LRBA: variants seen among roughly 807,000 people sequenced by gnomAD.
LRBA encodes the protein lipopolysaccharide-responsive and beige-like anchor protein.
In LRBA, 176 loss-of-function variants were observed where a neutral mutation model predicts 330.0. That is an observed-to-expected ratio of 0.53 (90% confidence interval 0.47 to 0.60). LRBA has a LOEUF of 0.60. LRBA is among the 20% of genes least tolerant of loss of function. LRBA has a pLI of 0.00. For missense variants in LRBA, 3,259 were observed against 3,444.8 expected (o/e 0.95, Z 1.35); for synonymous variants, 1,230 against 1,193.0 (o/e 1.03, Z -0.64).
chr4:150,968,769 CA>C (rs1739192794), intron 2 of LRBA, among the ~76,000 whole-genome samples: 2 of 152,170 alleles, frequency 1.3e-5, no homozygotes, highest in Admixed American at 6.5e-5. Context: ...TTAATGTAGA[CA>C]AAACAGCCTT....
intron 40 of LRBA, among the ~76,000 whole-genome samples, chr4:150,535,110 T>A (rs1764505224): frequency 6.6e-6 from 1 of 152,204 alleles, no homozygotes; most frequent in Admixed American, 6.5e-5. Context: ...AGCCTTCTCC[T>A]CTTACCTTTA....
intron 36 of LRBA, among the ~76,000 whole-genome samples, chr4:150,697,026 G>GAAAAAAA (rs1784681134): frequency 7.4e-6 from 1 of 135,716 alleles, no homozygotes; most frequent in Non-Finnish European, 1.6e-5. Flanking sequence ...AAAGTAAAAA[G>GAAAAAAA]AAAAAAGAAA....
At chr4:150,351,766 T>C (rs1180166311) in intron 47 of LRBA, among the ~76,000 whole-genome samples, 1 of 152,220 alleles carries the variant, frequency 6.6e-6, no homozygotes, top group Admixed American at 6.5e-5. Context: ...AGACCCCCAG[T>C]AGATGCCTGA....
In LRBA at chr4:150,625,202, A is replaced by T. The variant is rs186313967; in HGVS notation, c.5922-26071T>A. On this transcript the variant is annotated intron_variant, in intron 37 of 56. Coordinates refer to ENST00000651943, the MANE Select transcript of LRBA (RefSeq NM_001364905.1). The stretch of plus-strand genomic sequence containing the variant: ...TGGAATGTGTCGAAATCTCCAGAAG[A>T]GGTTTTCTAACTATAAAGGCCACTT... Among the ~76,000 whole-genome samples the T allele has an allele frequency of 5.3e-5, 8 of 152,288 alleles. No homozygotes were observed. In the East Asian group the frequency reaches 1.5e-3, roughly 29 times the overall value.
chr4:150,522,364 A>T (rs1253018636), intron 40 of LRBA, among the ~76,000 whole-genome samples: 1 of 152,220 alleles, frequency 6.6e-6, no homozygotes, highest in Admixed American at 6.5e-5. Flanking sequence ...GCTACAACAT[A>T]TATCTAAAAA....
At chr4:150,887,346 A>G (rs565537885) in intron 17 of LRBA, among the ~76,000 whole-genome samples, 171 of 152,336 alleles carry the variant, frequency 1.1e-3, no homozygotes, top group African/African-American at 4.0e-3. Context: ...ACAAGACTGA[A>G]ACAAACTAAA....
At chr4:150,517,748 A>G (rs1311666486) in intron 40 of LRBA, among the ~76,000 whole-genome samples, 1 of 152,160 alleles carries the variant, frequency 6.6e-6, no homozygotes, top group Non-Finnish European at 1.5e-5. Flanking sequence ...ATGTCATATT[A>G]ATAGTATTTG....
intron 31 of LRBA, among the ~76,000 whole-genome samples, chr4:150,816,104 GAACAA>G (rs922645765): frequency 1.3e-5 from 2 of 151,798 alleles, no homozygotes; most frequent in African/African-American, 4.8e-5. Flanking sequence ...ATCAAGTTTG[GAACAA>G]AACTCTCCAA....
chr4:150,655,576 C>G (rs1299518026), intron 37 of LRBA, among the ~76,000 whole-genome samples: 1 of 152,124 alleles, frequency 6.6e-6, no homozygotes, highest in African/African-American at 2.4e-5. Context: ...CAATGTACAC[C>G]TTTTTAGCAA....
chr4:150,599,972 G>T (rs750999225), intron 37 of LRBA, among the ~76,000 whole-genome samples: 18 of 152,064 alleles, frequency 1.2e-4, no homozygotes, highest in Non-Finnish European at 2.6e-4. Context: ...TTTTGGAAAT[G>T]TATTTTTTAA....
chr4:150,782,077 T>C (rs1219301686), intron 34 of LRBA, among the ~76,000 whole-genome samples: 1 of 152,094 alleles, frequency 6.6e-6, no homozygotes, highest in Non-Finnish European at 1.5e-5. Context: ...CAGCTAATTT[T>C]TGCATATTTT....
chr4:150,523,704 C>T (rs781517114), intron 40 of LRBA, among the ~76,000 whole-genome samples: 2 of 152,112 alleles, frequency 1.3e-5, no homozygotes, highest in South Asian at 2.1e-4. Flanking sequence ...TAATTCACTT[C>T]GCATACTCTT....
intron 49 of LRBA, among the ~76,000 whole-genome samples, chr4:150,323,257 C>T (rs997562724): frequency 6.6e-6 from 1 of 152,006 alleles, no homozygotes; most frequent in African/African-American, 2.4e-5. Context: ...AGGAAATGAA[C>T]ATCATTTCCA....
At chr4:151,015,627 G>A (rs924838228), upstream of LRBA, 1 of 152,464 alleles carries the variant, frequency 6.6e-6, no homozygotes, top group African/African-American at 2.4e-5. Flanking sequence ...GCTGCTGCGA[G>A]TGGTGAGGAT....
At chr4:151,001,047 G>C (rs554017886) in intron 2 of LRBA, among the ~76,000 whole-genome samples, 15 of 152,244 alleles carry the variant, frequency 9.9e-5, no homozygotes, top group Admixed American at 2.0e-4. Flanking sequence ...TCTGGAAATG[G>C]TGCAACAGCA....
At chr4:150,609,791 A>T (rs975253868) in intron 37 of LRBA, among the ~76,000 whole-genome samples, 1 of 152,230 alleles carries the variant, frequency 6.6e-6, no homozygotes, top group African/African-American at 2.4e-5. Flanking sequence ...AGACTTAAGC[A>T]TGTTTGCAGA....
At chr4:150,680,798 C>A (rs758084171) in intron 37 of LRBA, among the ~76,000 whole-genome samples, 1 of 152,160 alleles carries the variant, frequency 6.6e-6, no homozygotes, top group Non-Finnish European at 1.5e-5. Context: ...GATGTAATGG[C>A]ATGGGTCTGA....
intron 35 of LRBA, among the ~76,000 whole-genome samples, chr4:150,744,893 G>C (rs993246929): frequency 6.6e-6 from 1 of 152,098 alleles, no homozygotes; most frequent in Non-Finnish European, 1.5e-5. Context: ...ACATGCCAAC[G>C]GTGATGGGAT....
rs372226236 is a variant in LRBA at position 150,545,983 on chromosome 4, T to C, written c.6330+42065A>G. ...GGCTACATGATTCTAAAATTACAGG[T>C]ATAGTCACAAAGAGCATATGCTTCC... is the stretch of plus-strand genomic sequence containing the variant. On this transcript the variant is annotated intron_variant, in intron 40 of 56. Transcript: ENST00000651943. Among the ~76,000 whole-genome samples, 5 of 152,186 alleles carry C rather than the reference T, an allele frequency of 3.3e-5. No homozygotes were observed. The South Asian group carries it at 1.0e-3, about 32-fold the overall frequency.
Sources: allele counts gnomAD v4.1 joint callset (sites outside exome capture counted in the v4.1 genomes callset), GRCh38; gene constraint gnomAD v4.1.1; transcripts MANE v1.5; gene names NCBI Gene and HGNC (gene_info 2026-07-23, HGNC 2026-07-21).